Variants in TAF4 observed in about 807,000 individuals in gnomAD.
TAF4 encodes transcription initiation factor TFIID subunit 4.
A neutral mutation model predicts 90.3 loss-of-function variants in TAF4; 9 were observed. The ratio of observed to expected loss-of-function variants is 0.10; its 90% CI spans 0.06 to 0.17. The LOEUF is 0.17. TAF4 is among the 10% of genes least tolerant of loss of function. The probability of loss-of-function intolerance (pLI) is 1.00; values close to 1 mark genes in which losing one functional copy is unlikely to be tolerated. For synonymous variants in TAF4, 818 were observed against 638.9 expected (o/e 1.28, Z -4.23); for missense variants, 1,351 against 1,370.7 (o/e 0.99, Z 0.23).
intron 1 of TAF4, among the ~76,000 whole-genome samples, chr20:62,028,159 G>A (rs2055884647): frequency 1.3e-5 from 2 of 152,152 alleles, no homozygotes; most frequent in South Asian, 4.1e-4. Flanking sequence ...GATGCTGGAG[G>A]TGCTAAGGGG....
chr20:62,000,017 A>C, intron 11 of TAF4, 107 bp downstream of exon 11: 1 of 1,446,276 alleles, frequency 6.9e-7, no homozygotes, highest in South Asian at 1.2e-5. Context: ...ACATGGAGGC[A>C]CTTGGGACCC....
At chr20:62,009,260 A>T in intron 4 of TAF4, 86 bp from the exon 5 acceptor site, 2 of 1,273,890 alleles carry the variant, frequency 1.6e-6, no homozygotes, top group South Asian at 3.0e-5. Context: ...ATGCATATGT[A>T]CAAAAGATAC....
chr20:62,048,010 T>C (rs775748665), intron 1 of TAF4, among the ~76,000 whole-genome samples: 4 of 152,110 alleles, frequency 2.6e-5, no homozygotes, highest in Non-Finnish European at 5.9e-5. Context: ...AAACCCTCAC[T>C]GGACCACCCC....
intron 14 of TAF4, among the ~76,000 whole-genome samples, chr20:61,989,106 G>A (rs1475637279): frequency 4.6e-5 from 7 of 152,108 alleles, no homozygotes; most frequent in East Asian, 1.9e-4. Flanking sequence ...AAGCCCTGGC[G>A]TGCTAGGCAA....
In TAF4 at chr20:62,065,046, G is replaced by A. The variant is rs1322514168; in HGVS notation, c.765C>T (p.Pro255=). The A allele has an allele frequency of 4.1e-6, 3 of 735,356 alleles. No individual in the cohort carries two copies. In the African/African-American group the frequency reaches 6.3e-5, roughly 15 times the overall value. 45.6% of individuals were successfully genotyped at this position (735,356 alleles called of 1,614,324 possible). The change falls in exon 1 of 15, where the codon CCC becomes CCT. Residue 255 remains proline, a synonymous_variant. Transcript: ENST00000252996. ...GAAAPPAPAA[P]SPPAAPAPAA... is the part of the protein sequence containing the mutation. ...CGGGCGCGGGGGCGGCGGGGGGCGAGGGCGCGGCGGGCGCGGGGGGCGCGG... is the reference window on the plus strand; with the variant it reads ...CGGGCGCGGGGGCGGCGGGGGGCGAAGGCGCGGCGGGCGCGGGGGGCGCGG...
At chr20:62,026,218 A>AAT (rs1211004102) in intron 1 of TAF4, among the ~76,000 whole-genome samples, 5 of 152,246 alleles carry the variant, frequency 3.3e-5, no homozygotes, top group Admixed American at 2.6e-4. Flanking sequence ...GAGTCGTATT[A>AAT]ACAACTCTGT....
intron 1 of TAF4, among the ~76,000 whole-genome samples, chr20:62,059,859 C>G (rs1319582842): frequency 6.6e-6 from 1 of 152,252 alleles, no homozygotes; most frequent in African/African-American, 2.4e-5. Flanking sequence ...GATCCTCAAA[C>G]ACAGCTGCTA....
At chr20:62,029,417 C>A (rs1387137167) in intron 1 of TAF4, among the ~76,000 whole-genome samples, 4 of 152,134 alleles carry the variant, frequency 2.6e-5, no homozygotes, top group Non-Finnish European at 5.9e-5. Flanking sequence ...AACTCTGACA[C>A]AGAAGCCCTT....
At chr20:62,025,769 G>T (rs2055871289) in intron 1 of TAF4, among the ~76,000 whole-genome samples, 1 of 152,156 alleles carries the variant, frequency 6.6e-6, no homozygotes, top group Non-Finnish European at 1.5e-5. Context: ...CTACTACGCT[G>T]TCTGACTGCA....
intron 14 of TAF4, among the ~76,000 whole-genome samples, chr20:61,983,223 A>G (rs981938111): frequency 6.6e-6 from 1 of 151,940 alleles, no homozygotes; most frequent in Non-Finnish European, 1.5e-5. Flanking sequence ...GAGACAGGAG[A>G]CCAGGGCGTC....
At chr20:62,018,192 A>G (rs1286055054) in intron 1 of TAF4, among the ~76,000 whole-genome samples, 1 of 152,212 alleles carries the variant, frequency 6.6e-6, no homozygotes, top group African/African-American at 2.4e-5. Context: ...AACAGCACAT[A>G]AGAGGCGCTG....
At chr20:61,997,763 G>A (rs1172302795) in intron 13 of TAF4, 94 bp from the exon 14 acceptor site, 4 of 1,402,480 alleles carry the variant, frequency 2.9e-6, no homozygotes, top group East Asian at 2.5e-5. Flanking sequence ...GTTTTCTGTA[G>A]TTTTCTAAAT....
chr20:62,020,478 A>G (rs2055836644), intron 1 of TAF4, among the ~76,000 whole-genome samples: 1 of 152,254 alleles, frequency 6.6e-6, no homozygotes, highest in African/African-American at 2.4e-5. Flanking sequence ...CTTATCTTCT[A>G]GAACGCTAAA....
In TAF4 at chr20:62,064,628, CG is replaced by C. The variant is rs1368273718; in HGVS notation, c.1182del (p.Thr396ProfsTer13). 8.1e-6 allele frequency: 11 copies of C among 1,352,678 alleles called. No individual in the cohort carries two copies. The highest frequency in any genetic ancestry group is 7.1e-5 in the South Asian group (4 of 56,230). 83.8% of individuals were successfully genotyped at this position (1,352,678 alleles called of 1,614,324 possible). The part of the protein sequence containing the change: ...PSPAAVPPPA[P>X]GTPTGLPKGA... ...CCTTTGGGCAGCCCGGTGGGGGTCCCGGGGGCGGGCGGCGGGACGGCGGCCG... is the reference window on the plus strand; with the variant it reads ...CCTTTGGGCAGCCCGGTGGGGGTCCCGGGGCGGGCGGCGGGACGGCGGCCG... On this transcript the variant is annotated frameshift_variant, in exon 1 of 15. Transcript: ENST00000252996. LOFTEE classifies it high-confidence loss of function.
intron 14 of TAF4, among the ~76,000 whole-genome samples, chr20:61,985,251 G>A (rs2055580628): frequency 6.6e-6 from 1 of 151,828 alleles, no homozygotes; most frequent in Admixed American, 6.6e-5. Flanking sequence ...CTAAACCCGA[G>A]CTGTGCTGCA....
chr20:62,041,600 G>A (rs970969531), intron 1 of TAF4, among the ~76,000 whole-genome samples: 1 of 151,986 alleles, frequency 6.6e-6, no homozygotes, highest in East Asian at 1.9e-4. Context: ...CTGCACTCCA[G>A]CCTGGGCAAC....
intron 14 of TAF4, among the ~76,000 whole-genome samples, chr20:61,992,119 G>A (rs2123112584): frequency 6.6e-6 from 1 of 152,218 alleles, no homozygotes; most frequent in East Asian, 1.9e-4. Context: ...ATGAGATTTG[G>A]AAAAATCAAA....
chr20:62,036,431 A>T (rs1715724893), intron 1 of TAF4, among the ~76,000 whole-genome samples: 1 of 152,252 alleles, frequency 6.6e-6, no homozygotes, highest in South Asian at 2.1e-4. Context: ...TATCAAGGAT[A>T]TAAAATAACA....
At chr20:62,038,319 G>T (rs1243329617) in intron 1 of TAF4, among the ~76,000 whole-genome samples, 2 of 151,882 alleles carry the variant, frequency 1.3e-5, no homozygotes, top group Non-Finnish European at 2.9e-5. Flanking sequence ...GTGCCACCAT[G>T]CCCAGCTAAT....
Sources: allele counts gnomAD v4.1 joint callset (sites outside exome capture counted in the v4.1 genomes callset), GRCh38; gene constraint gnomAD v4.1.1; transcripts MANE v1.5; gene names NCBI Gene and HGNC (gene_info 2026-07-23, HGNC 2026-07-21).